ERC2: variants seen among roughly 807,000 people sequenced by gnomAD.
The protein encoded by ERC2 is ERC protein 2.
In ERC2, 42 loss-of-function variants were observed where a neutral mutation model predicts 114.8. The ratio of observed to expected loss-of-function variants is 0.37; its 90% CI spans 0.29 to 0.47. ERC2 has a LOEUF of 0.47. Among genes scored for constraint, ERC2 ranks in the 20% least tolerant of loss-of-function variants. ERC2 has a pLI of 0.99. For missense variants in ERC2, 939 were observed against 1,150.7 expected (o/e 0.82, Z 2.66); for synonymous variants, 454 against 425.5 (o/e 1.07, Z -0.82).
intron 14 of ERC2, among the ~76,000 whole-genome samples, chr3:55,858,403 C>T (rs542482969): frequency 1.3e-5 from 2 of 152,238 alleles, no homozygotes; most frequent in African/African-American, 4.8e-5. Context: ...ATTCAACATA[C>T]TTAAAAGTAC....
At chr3:55,776,944 G>T (rs565112432) in intron 14 of ERC2, among the ~76,000 whole-genome samples, 1 of 152,180 alleles carries the variant, frequency 6.6e-6, no homozygotes, top group Non-Finnish European at 1.5e-5. Context: ...GAAAAAACAC[G>T]GGAGACATCT....
intron 3 of ERC2, among the ~76,000 whole-genome samples, chr3:56,294,709 A>T (rs1560537742): frequency 6.6e-6 from 1 of 152,230 alleles, no homozygotes; most frequent in African/African-American, 2.4e-5. Context: ...ATGAGGATCA[A>T]CCAATACTCG....
At chr3:55,876,702 T>G (rs1023153148) in intron 14 of ERC2, among the ~76,000 whole-genome samples, 1 of 152,158 alleles carries the variant, frequency 6.6e-6, no homozygotes, top group Non-Finnish European at 1.5e-5. Context: ...TAAAGAATGA[T>G]GGAATTCTGG....
At chr3:55,617,003 T>A (rs2148585229) in intron 17 of ERC2, among the ~76,000 whole-genome samples, 1 of 152,314 alleles carries the variant, frequency 6.6e-6, no homozygotes, top group Admixed American at 6.5e-5. Context: ...GGAGGCAGCC[T>A]GCAGGCTTTG....
intron 4 of ERC2, among the ~76,000 whole-genome samples, chr3:56,161,823 C>T (rs1191637574): frequency 1.3e-5 from 2 of 152,030 alleles, no homozygotes; most frequent in East Asian, 3.9e-4. Context: ...AGAATCATAC[C>T]GTCAGTGAAG....
chr3:56,131,512 C>A (rs566286270), intron 6 of ERC2, among the ~76,000 whole-genome samples: 3 of 152,192 alleles, frequency 2.0e-5, no homozygotes, highest in African/African-American at 7.2e-5. Flanking sequence ...ATTTTGAATG[C>A]AGTGACTATG....
At chr3:55,616,678 G>A (rs556450786) in intron 17 of ERC2, among the ~76,000 whole-genome samples, 289 of 150,030 alleles carry the variant, frequency 1.9e-3, no homozygotes, top group Non-Finnish European at 3.2e-3. Flanking sequence ...CACTTTCCAT[G>A]CATTATTTAG....
intron 15 of ERC2, among the ~76,000 whole-genome samples, chr3:55,720,261 CTGTCTA>C (rs1438891810): frequency 1.9e-4 from 7 of 36,836 alleles, no homozygotes; most frequent in East Asian, 6.5e-4. Flanking sequence ...CTCTCTCTCT[CTGTCTA>C]TCTCTCTGCC....
At position 55,509,936 on chromosome 3, in the gene ERC2, T is replaced by A. The variant is rs554595844; in HGVS notation, c.*1380A>T. 1 of 152,622 alleles carries A rather than the reference T, an allele frequency of 6.6e-6. No individual in the cohort carries two copies. Among genetic ancestry groups the A allele is most frequent in the Non-Finnish European group, 1.5e-5 (1 of 68,034 alleles). 9.5% of individuals were successfully genotyped at this position (152,622 alleles called of 1,614,324 possible). ...CATACACGTGGAAGGGTTTCTTCCATTGACAAGAAAATGGAGCAATACAAG... is the reference window on the plus strand; with the variant it reads ...CATACACGTGGAAGGGTTTCTTCCAATGACAAGAAAATGGAGCAATACAAG... On this transcript the variant is annotated 3_prime_UTR_variant, in exon 18 of 18. Transcript: ENST00000288221.
At position 56,206,639 on chromosome 3, in the gene ERC2, T is replaced by A. The variant is rs998716139; in HGVS notation, c.1075-33119A>T. Among the ~76,000 whole-genome samples the A allele has an allele frequency of 2.6e-5, 4 of 152,196 alleles. No homozygotes were observed. The East Asian group carries it at 7.7e-4, about 29-fold the overall frequency. ...AGGGTACTATATGTGATTTGCTGAA[T>A]ACAAAAAATACTTGTAGCACATATG... is the stretch of plus-strand genomic sequence containing the variant. On this transcript the variant is annotated intron_variant, in intron 3 of 17. Transcript: ENST00000288221.
At chr3:55,764,690 A>C (rs891289053) in intron 14 of ERC2, among the ~76,000 whole-genome samples, 1 of 152,208 alleles carries the variant, frequency 6.6e-6, no homozygotes, top group Non-Finnish European at 1.5e-5. Flanking sequence ...TGCATCCTTA[A>C]GACATTTGAC....
chr3:55,774,770 T>G (rs2068474555), intron 14 of ERC2, among the ~76,000 whole-genome samples: 2 of 152,230 alleles, frequency 1.3e-5, no homozygotes, highest in Non-Finnish European at 2.9e-5. Context: ...TCCAGTCAAT[T>G]TCCTTTATTT....
chr3:56,344,924 C>T (rs376183800), intron 2 of ERC2, among the ~76,000 whole-genome samples: 1 of 152,308 alleles, frequency 6.6e-6, no homozygotes, highest in South Asian at 2.1e-4. Flanking sequence ...TCAATGAAAA[C>T]CAATGTACCA....
At chr3:55,540,597 T>C (rs1031133498) in intron 17 of ERC2, among the ~76,000 whole-genome samples, 2 of 152,254 alleles carry the variant, frequency 1.3e-5, no homozygotes, top group African/African-American at 4.8e-5. Context: ...GGGATCTTAG[T>C]CTCCCCATCT....
intron 5 of ERC2, among the ~76,000 whole-genome samples, chr3:56,142,564 A>C (rs1358006933): frequency 6.6e-6 from 1 of 152,082 alleles, no homozygotes; most frequent in Non-Finnish European, 1.5e-5. Flanking sequence ...TTCATTCCTA[A>C]GATAATCCTT....
At chr3:55,606,355 G>A (rs1244248328) in intron 17 of ERC2, among the ~76,000 whole-genome samples, 1 of 152,124 alleles carries the variant, frequency 6.6e-6, no homozygotes, top group Non-Finnish European at 1.5e-5. Flanking sequence ...CAACTGGGCT[G>A]GGCTAGGGGG....
intron 13 of ERC2, among the ~76,000 whole-genome samples, chr3:55,905,668 A>G (rs566538544): frequency 1.3e-5 from 2 of 152,304 alleles, no homozygotes; most frequent in African/African-American, 4.8e-5. Context: ...CTTGCAAATA[A>G]AACCCCAACT....
At chr3:56,315,983 T>C (rs746610220) in intron 2 of ERC2, among the ~76,000 whole-genome samples, 6 of 152,124 alleles carry the variant, frequency 3.9e-5, no homozygotes, top group African/African-American at 7.2e-5. Context: ...CAGGTCTTGC[T>C]GGCATTTTTC....
At chr3:55,961,639 C>A (rs1224601014) in intron 12 of ERC2, among the ~76,000 whole-genome samples, 7 of 152,142 alleles carry the variant, frequency 4.6e-5, no homozygotes, top group African/African-American at 1.7e-4. Context: ...ATTTCTGGAA[C>A]TGACCCTCAC....
Sources: gnomAD v4.1 joint callset for allele counts (sites outside exome capture counted in the v4.1 genomes callset) on GRCh38, gnomAD v4.1.1 for gene constraint, MANE v1.5 for transcripts, NCBI Gene and HGNC (gene_info 2026-07-23, HGNC 2026-07-21) for gene names.